The following GRIA1 variants were observed in gnomAD, a reference collection of about 807,000 sequenced individuals.
The protein encoded by GRIA1 is glutamate receptor 1.
In GRIA1, 31 loss-of-function variants were observed where a neutral mutation model predicts 99.2. That is an observed-to-expected ratio of 0.31 (90% CI 0.23 to 0.42). The LOEUF (loss-of-function observed/expected upper bound fraction) is 0.42. Ranked by LOEUF, GRIA1 falls within the 10% of genes least tolerant of loss-of-function variation. The pLI is 1.00. For missense variants in GRIA1, 782 were observed against 1,157.5 expected (o/e 0.68, Z 4.71); for synonymous variants, 438 against 432.4 (o/e 1.01, Z -0.16).
At chr5:153,503,766 A>C (rs976595526) in intron 2 of GRIA1, among the ~76,000 whole-genome samples, 1 of 152,226 alleles carries the variant, frequency 6.6e-6, no homozygotes, top group Non-Finnish European at 1.5e-5. Context: ...TAAGGGGGAA[A>C]GCCCATTTGA....
chr5:153,526,385 CAT>C (rs1757600051), intron 2 of GRIA1, among the ~76,000 whole-genome samples: 1 of 152,176 alleles, frequency 6.6e-6, no homozygotes, highest in Non-Finnish European at 1.5e-5. Flanking sequence ...TTAAAGGACT[CAT>C]ATTCTAAGCT....
chr5:153,668,432 G>T (rs946531392), intron 5 of GRIA1, among the ~76,000 whole-genome samples: 1 of 152,098 alleles, frequency 6.6e-6, no homozygotes, highest in African/African-American at 2.4e-5. Context: ...TCAAAAGAAT[G>T]ATATTTTATA....
At chr5:153,781,596 A>G (rs1425536403) in intron 13 of GRIA1, among the ~76,000 whole-genome samples, 1 of 152,208 alleles carries the variant, frequency 6.6e-6, no homozygotes, top group Admixed American at 6.5e-5. Flanking sequence ...TTCGATGTAC[A>G]TGATGACTTT....
chr5:153,562,747 G>A (rs1170153457), intron 2 of GRIA1, among the ~76,000 whole-genome samples: 1 of 152,178 alleles, frequency 6.6e-6, no homozygotes, highest in African/African-American at 2.4e-5. Flanking sequence ...AGGCAACTGA[G>A]ATGAGGAGAT....
At chr5:153,762,353 C>T (rs957714604) in intron 11 of GRIA1, among the ~76,000 whole-genome samples, 5 of 152,038 alleles carry the variant, frequency 3.3e-5, no homozygotes, top group African/African-American at 1.2e-4. Context: ...AGTTTAGAGG[C>T]CATTGTGGTC....
chr5:153,566,467 C>T (rs1581239973), intron 2 of GRIA1, among the ~76,000 whole-genome samples: 1 of 150,490 alleles, frequency 6.6e-6, no homozygotes, highest in East Asian at 2.0e-4. Context: ...CCATGCCAAG[C>T]TAATTTTTTT....
intron 4 of GRIA1, among the ~76,000 whole-genome samples, chr5:153,654,120 C>T (rs1277270657): frequency 1.3e-5 from 2 of 152,182 alleles, no homozygotes; most frequent in Non-Finnish European, 2.9e-5. Flanking sequence ...TCCAAGAGGG[C>T]AAGCACCATG....
chr5:153,613,000 G>A (rs887710818), intron 2 of GRIA1, among the ~76,000 whole-genome samples: 1 of 152,084 alleles, frequency 6.6e-6, no homozygotes, highest in Non-Finnish European at 1.5e-5. Context: ...TCTTTTGACT[G>A]CGCATCTGAA....
chr5:153,780,857 C>A (rs2149637145), intron 13 of GRIA1, among the ~76,000 whole-genome samples: 1 of 152,256 alleles, frequency 6.6e-6, no homozygotes, highest in South Asian at 2.1e-4. Flanking sequence ...CTGGGCTACA[C>A]CACACTACGA....
At chr5:153,745,013 A>C (rs1342473308) in intron 11 of GRIA1, among the ~76,000 whole-genome samples, 1 of 152,150 alleles carries the variant, frequency 6.6e-6, no homozygotes, top group Non-Finnish European at 1.5e-5. Flanking sequence ...TTCGGAGGCA[A>C]TACTTGACTT....
intron 2 of GRIA1, among the ~76,000 whole-genome samples, chr5:153,549,978 T>A (rs1759984198): frequency 6.6e-6 from 1 of 152,196 alleles, no homozygotes; most frequent in Admixed American, 6.5e-5. Context: ...GGTATGAAAT[T>A]GGATCATCTC....
At chr5:153,521,571 C>A (rs1757145020) in intron 2 of GRIA1, among the ~76,000 whole-genome samples, 1 of 152,208 alleles carries the variant, frequency 6.6e-6, no homozygotes, top group African/African-American at 2.4e-5. Flanking sequence ...CTGGACAGAA[C>A]CATCCTCGGT....
chr5:153,722,846 G>C (rs1760179154), intron 11 of GRIA1, among the ~76,000 whole-genome samples: 1 of 152,176 alleles, frequency 6.6e-6, no homozygotes, highest in Admixed American at 6.5e-5. Flanking sequence ...GAGATACTAT[G>C]ATTCTGTTGG....
rs549186539 is a variant in GRIA1, at chr5:153,567,851, G to A, written c.220+73786G>A. 3.9e-5 allele frequency among the ~76,000 whole-genome samples: 6 copies of A among 152,278 alleles called. No individual in the cohort carries two copies. In the East Asian group the frequency reaches 1.2e-3, roughly 29 times the overall value. ...AAGAATAGTAGGAGATAAAAATAGA[G>A]AGGTAGGCTGGGGTCAGATTATGAA... is the stretch of plus-strand genomic sequence containing the variant. On this transcript the variant is annotated intron_variant, in intron 2 of 15. Coordinates refer to ENST00000285900, the MANE Select transcript of GRIA1 (RefSeq NM_000827.4).
At chr5:153,744,871 C>T (rs1762042203) in intron 11 of GRIA1, among the ~76,000 whole-genome samples, 1 of 152,174 alleles carries the variant, frequency 6.6e-6, no homozygotes, top group Non-Finnish European at 1.5e-5. Flanking sequence ...AGGAGTGCTA[C>T]CAACAGGAAA....
chr5:153,581,070 C>T lies in GRIA1; in HGVS notation c.221-65858C>T, dbSNP rs563386120. ...CAGCGGCTTACGTAGCAGCTCACTT[C>T]GAAGTCTGGCATGCGGACGGCTTCC... On this transcript the variant is annotated intron_variant, in intron 2 of 15. Transcript: ENST00000285900. Among the ~76,000 whole-genome samples the T allele has an allele frequency of 5.9e-5, 9 of 152,336 alleles. No individual in the cohort carries two copies. The East Asian group carries it at 1.5e-3, about 26-fold the overall frequency.
intron 2 of GRIA1, among the ~76,000 whole-genome samples, chr5:153,626,643 G>C (rs141140872): frequency 6.6e-6 from 1 of 152,122 alleles, no homozygotes; most frequent in East Asian, 1.9e-4. Flanking sequence ...TAGGACTGAC[G>C]CTAAGGGACA....
chr5:153,552,526 C>T (rs2113549537), intron 2 of GRIA1, among the ~76,000 whole-genome samples: 1 of 152,202 alleles, frequency 6.6e-6, no homozygotes, highest in East Asian at 1.9e-4. Context: ...TCAAAATCAC[C>T]TATACCCTAT....
intron 2 of GRIA1, among the ~76,000 whole-genome samples, chr5:153,580,144 A>T (rs925603467): frequency 6.6e-5 from 10 of 152,156 alleles, no homozygotes; most frequent in African/African-American, 2.4e-4. Context: ...AGGTGGATGG[A>T]GATAATGCAG....
Sources: gnomAD v4.1 joint callset for allele counts (sites outside exome capture counted in the v4.1 genomes callset) on GRCh38, gnomAD v4.1.1 for gene constraint, MANE v1.5 for transcripts, NCBI Gene and HGNC (gene_info 2026-07-23, HGNC 2026-07-21) for gene names.